The following CALCR variants were observed in gnomAD, a reference collection of about 807,000 sequenced individuals.
The protein encoded by CALCR is calcitonin receptor.
A neutral mutation model predicts 59.5 loss-of-function variants in CALCR; 47 were observed. The observed-to-expected ratio is 0.79, with a 90% confidence interval of 0.63 to 1.01. CALCR has a LOEUF of 1.01. CALCR is among the 50% of genes least tolerant of loss of function. The probability of loss-of-function intolerance (pLI) is 0.00; values close to 1 mark genes in which losing one functional copy is unlikely to be tolerated. For synonymous variants in CALCR, 213 were observed against 211.3 expected (o/e 1.01, Z -0.07); for missense variants, 566 against 597.1 (o/e 0.95, Z 0.54).
Position 93,428,225 on chromosome 7 carries a change from G to T in CALCR, c.1192-1636C>A, listed in dbSNP as rs147322085. Among the ~76,000 whole-genome samples the T allele has an allele frequency of 2.5e-3, 379 of 152,292 alleles. 1 individual carries two copies. The highest frequency in any genetic ancestry group is 1.1e-3 in the Non-Finnish European group (72 of 68,028). On this transcript the variant is annotated intron_variant, in intron 13 of 13. Transcript: ENST00000426151. Reference sequence around the variant, plus strand: ...ACTAAGTACCGTATCATAAGTATGTGATTTGTATTAACTTATTTAATCCTC... The same window carrying T: ...ACTAAGTACCGTATCATAAGTATGTTATTTGTATTAACTTATTTAATCCTC...
chr7:93,452,088 T>C (rs1800121221), intron 8 of CALCR, among the ~76,000 whole-genome samples: 1 of 151,876 alleles, frequency 6.6e-6, no homozygotes, highest in Non-Finnish European at 1.5e-5. Flanking sequence ...ACTACCTGAG[T>C]GACAGGACCT....
chr7:93,526,471 C>A (rs1401007838), intron 2 of CALCR, among the ~76,000 whole-genome samples: 1 of 151,244 alleles, frequency 6.6e-6, no homozygotes, highest in Non-Finnish European at 1.5e-5. Context: ...AGAGAATAAC[C>A]AATACTGATT....
chr7:93,437,064 C>A (rs1584535670), intron 11 of CALCR, among the ~76,000 whole-genome samples: 1 of 151,422 alleles, frequency 6.6e-6, no homozygotes, highest in Non-Finnish European at 1.5e-5. Flanking sequence ...TGTGCATTTC[C>A]TTTAGTCATG....
chr7:93,528,452 G>T (rs554072211), intron 2 of CALCR, among the ~76,000 whole-genome samples: 1 of 151,916 alleles, frequency 6.6e-6, no homozygotes, highest in African/African-American at 2.4e-5. Flanking sequence ...AACAGGCCCC[G>T]GTGTGTGATG....
intron 6 of CALCR, among the ~76,000 whole-genome samples, chr7:93,471,115 T>C (rs1290899963): frequency 6.6e-6 from 1 of 151,812 alleles, no homozygotes; most frequent in Non-Finnish European, 1.5e-5. Flanking sequence ...CATTTCTTCT[T>C]TAAATTATTT....
chr7:93,463,499 G>A (rs1584555774), intron 7 of CALCR, among the ~76,000 whole-genome samples: 1 of 151,838 alleles, frequency 6.6e-6, no homozygotes, highest in East Asian at 1.9e-4. Flanking sequence ...TCTTTTTGAA[G>A]TGAGTCGAAG....
At chr7:93,533,917 G>C (rs1788916218) in intron 2 of CALCR, among the ~76,000 whole-genome samples, 1 of 151,706 alleles carries the variant, frequency 6.6e-6, no homozygotes, top group African/African-American at 2.4e-5. Context: ...ATAATGTTTA[G>C]CAGTTGTATA....
intron 8 of CALCR, among the ~76,000 whole-genome samples, chr7:93,454,643 T>C (rs1467751385): frequency 1.3e-5 from 2 of 151,868 alleles, no homozygotes; most frequent in Non-Finnish European, 2.9e-5. Flanking sequence ...TTTCAGATAT[T>C]ATGGAAATGA....
At chr7:93,435,221 G>A (rs535893384) in intron 12 of CALCR, among the ~76,000 whole-genome samples, 9 of 152,222 alleles carry the variant, frequency 5.9e-5, no homozygotes, top group South Asian at 2.1e-4. Context: ...GCACTGAACC[G>A]TCATGAATGG....
intron 7 of CALCR, among the ~76,000 whole-genome samples, chr7:93,465,636 C>T (rs1336507803): frequency 6.6e-6 from 1 of 151,758 alleles, no homozygotes; most frequent in Non-Finnish European, 1.5e-5. Context: ...GTTTTTTCTA[C>T]ATTTTGTCTT....
chr7:93,571,139 A>G (rs1439638072), intron 2 of CALCR, among the ~76,000 whole-genome samples: 1 of 152,158 alleles, frequency 6.6e-6, no homozygotes, highest in Admixed American at 6.5e-5. Context: ...ACAAAATCTT[A>G]TCACTTGGTT....
intron 2 of CALCR, among the ~76,000 whole-genome samples, chr7:93,566,309 A>G (rs1345454920): frequency 6.6e-6 from 1 of 152,118 alleles, no homozygotes; most frequent in African/African-American, 2.4e-5. Flanking sequence ...TAAACTTAAT[A>G]TGAAGTGTGA....
At chr7:93,511,995 C>A (rs1230850302) in intron 2 of CALCR, among the ~76,000 whole-genome samples, 1 of 152,100 alleles carries the variant, frequency 6.6e-6, no homozygotes, top group Non-Finnish European at 1.5e-5. Context: ...AGCCATAAAT[C>A]CGCCCAGTTT....
In CALCR at chr7:93,472,109, G is replaced by A. The variant is rs10235276; in HGVS notation, c.429+266C>T. On this transcript the variant is annotated intron_variant, in intron 6 of 13. Transcript: ENST00000426151. ...TGGGAATCCTTTCATCTGCTCTATGGACACTTATCCCCCTGCCATAAATGG... is the reference window on the plus strand; with the variant it reads ...TGGGAATCCTTTCATCTGCTCTATGAACACTTATCCCCCTGCCATAAATGG... Among the ~76,000 whole-genome samples the A allele has an allele frequency of 0.062, 9,411 of 151,772 alleles. 936 individuals carry two copies. Among genetic ancestry groups the A allele is most frequent in the African/African-American group, 0.21 (8,554 of 41,416 alleles).
chr7:93,572,267 A>G (rs1273931420), intron 2 of CALCR, among the ~76,000 whole-genome samples: 1 of 152,072 alleles, frequency 6.6e-6, no homozygotes, highest in Admixed American at 6.6e-5. Context: ...TATAACAAAC[A>G]ACATTTATTT....
At chr7:93,444,795 T>G (rs1799978447) in intron 8 of CALCR, among the ~76,000 whole-genome samples, 1 of 152,112 alleles carries the variant, frequency 6.6e-6, no homozygotes, top group South Asian at 2.1e-4. Flanking sequence ...TGCATTACTA[T>G]TATTTTACCA....
At chr7:93,531,732 A>G (rs1788845638) in intron 2 of CALCR, among the ~76,000 whole-genome samples, 1 of 152,066 alleles carries the variant, frequency 6.6e-6, no homozygotes, top group South Asian at 2.1e-4. Context: ...CGCTACTTGT[A>G]ATGGAAGCTT....
chr7:93,472,061 T>C (rs1423687330), intron 6 of CALCR, among the ~76,000 whole-genome samples: 5 of 151,794 alleles, frequency 3.3e-5, no homozygotes, highest in Non-Finnish European at 5.9e-5. Flanking sequence ...TCCCTTGAAA[T>C]GTTGCCTAAT....
At chr7:93,563,669 A>G (rs73406319) in intron 2 of CALCR, among the ~76,000 whole-genome samples, 4 of 152,350 alleles carry the variant, frequency 2.6e-5, no homozygotes, top group African/African-American at 9.6e-5. Context: ...CTTTCTACCC[A>G]TGGATCTGCT....
Sources: gnomAD v4.1 joint callset for allele counts (sites outside exome capture counted in the v4.1 genomes callset) on GRCh38, gnomAD v4.1.1 for gene constraint, MANE v1.5 for transcripts, NCBI Gene and HGNC (gene_info 2026-07-23, HGNC 2026-07-21) for gene names.